CNTNAP2: variants seen among roughly 807,000 people sequenced by gnomAD.
CNTNAP2 encodes contactin-associated protein-like 2.
In CNTNAP2, 98 loss-of-function variants were observed where a neutral mutation model predicts 155.2. The ratio of observed to expected loss-of-function variants is 0.63; its 90% CI spans 0.54 to 0.75. The LOEUF (loss-of-function observed/expected upper bound fraction) is 0.75, where lower values mean the gene tolerates loss of function less well. CNTNAP2 is among the 30% of genes least tolerant of loss of function. The probability of loss-of-function intolerance (pLI) is 0.00; values close to 1 mark genes in which losing one functional copy is unlikely to be tolerated. For synonymous variants in CNTNAP2, 651 were observed against 631.2 expected (o/e 1.03, Z -0.47); for missense variants, 1,727 against 1,688.1 (o/e 1.02, Z -0.40).
In CNTNAP2 at chr7:147,434,885, A is replaced by G. The variant is rs1347979191; in HGVS notation, c.1670+39105A>G. 2.0e-5 allele frequency among the ~76,000 whole-genome samples: 3 copies of G among 152,252 alleles called. No homozygotes were observed. In the East Asian group the frequency reaches 5.8e-4, roughly 29 times the overall value. On this transcript the variant is annotated intron_variant, in intron 10 of 23. Coordinates refer to ENST00000361727, the MANE Select transcript of CNTNAP2 (RefSeq NM_014141.6). Reference sequence around the variant, plus strand: ...TTAGACTGTGGCAGTAACCTAAAAGACTTGGCCTCTGTTTCAACTCTCATG... The same window carrying G: ...TTAGACTGTGGCAGTAACCTAAAAGGCTTGGCCTCTGTTTCAACTCTCATG...
chr7:147,664,580 C>T (rs1388303402), intron 13 of CNTNAP2, among the ~76,000 whole-genome samples: 2 of 152,134 alleles, frequency 1.3e-5, no homozygotes, highest in African/African-American at 2.4e-5. Context: ...GCAGCCAAAA[C>T]GAAGCATTCG....
rs1235792127 is a variant in CNTNAP2 at position 146,131,807 on chromosome 7, G to A, written c.97+14834G>A. The stretch of plus-strand genomic sequence containing the variant: ...TCTTGAATTGTAATTTCCACGTGTC[G>A]AGGGAGGGAGGTAATTGGATTATGA... On this transcript the variant is annotated intron_variant, in intron 1 of 23. Coordinates refer to ENST00000361727, the MANE Select transcript of CNTNAP2 (RefSeq NM_014141.6). 3.9e-5 allele frequency among the ~76,000 whole-genome samples: 6 copies of A among 152,088 alleles called. No individual in the cohort carries two copies. In the East Asian group the frequency reaches 7.8e-4, roughly 20 times the overall value.
chr7:147,441,813 T>TTCTCTCTCTCTCTCTCTCTCTCTC lies in CNTNAP2; in HGVS notation c.1671-44107_1671-44084dup, dbSNP rs568227936. ...TTTCTTCCAACCAAATGTAGTCTCT[T>TTCTCTCTCTCTCTCTCTCTCTCTC]TCTCTCTCTCTCTCTCTCTCTCTCT... On this transcript the variant is annotated intron_variant, in intron 10 of 23. Transcript: ENST00000361727. Among the ~76,000 whole-genome samples, 9 of 102,168 alleles carry TTCTCTCTCTCTCTCTCTCTCTCTC rather than the reference T, an allele frequency of 8.8e-5. 1 individual carries two copies. Among genetic ancestry groups the TTCTCTCTCTCTCTCTCTCTCTCTC allele is most frequent in the Admixed American group, 2.5e-4 (2 of 7,920 alleles). 67.0% of individuals were successfully genotyped at this position (102,168 alleles called of 152,430 possible).
At chr7:146,428,138 A>G (rs1796119983) in intron 1 of CNTNAP2, among the ~76,000 whole-genome samples, 2 of 152,102 alleles carry the variant, frequency 1.3e-5, no homozygotes, top group Admixed American at 1.3e-4. Flanking sequence ...TATCTATTCT[A>G]TCTTTGATGG....
intron 1 of CNTNAP2, among the ~76,000 whole-genome samples, chr7:146,169,624 T>C (rs1798360258): frequency 6.6e-6 from 1 of 152,008 alleles, no homozygotes; most frequent in Non-Finnish European, 1.5e-5. Context: ...TTTCTCCATT[T>C]CCCATACCTC....
intron 21 of CNTNAP2, among the ~76,000 whole-genome samples, chr7:148,283,259 G>GAAAAGAAAAGA: frequency 2.6e-5 from 1 of 39,138 alleles, no homozygotes; most frequent in East Asian, 6.9e-4. Flanking sequence ...AAAAAAAAAA[G>GAAAAGAAAAGA]AAAGAAAGAA....
intron 8 of CNTNAP2, among the ~76,000 whole-genome samples, chr7:147,237,610 G>T (rs1052966377): frequency 2.6e-5 from 4 of 152,056 alleles, no homozygotes; most frequent in African/African-American, 9.7e-5. Context: ...TAAGGTCAGG[G>T]GTCATGTCTA....
intron 3 of CNTNAP2, among the ~76,000 whole-genome samples, chr7:147,032,171 T>A (rs1799047735): frequency 6.6e-6 from 1 of 152,246 alleles, no homozygotes; most frequent in Non-Finnish European, 1.5e-5. Context: ...AAAAATGACG[T>A]ATTGCTCCCT....
At chr7:146,982,960 G>T (rs376590887) in intron 3 of CNTNAP2, among the ~76,000 whole-genome samples, 1 of 150,710 alleles carries the variant, frequency 6.6e-6, no homozygotes, top group South Asian at 2.1e-4. Flanking sequence ...GGAAAAAAAA[G>T]TACAGATTTA....
At chr7:147,172,604 T>C (rs985402383) in intron 8 of CNTNAP2, among the ~76,000 whole-genome samples, 1 of 152,124 alleles carries the variant, frequency 6.6e-6, no homozygotes, top group East Asian at 1.9e-4. Context: ...TTGTAAGATA[T>C]GCCATTGTTC....
chr7:147,745,128 C>T (rs1797016733), intron 13 of CNTNAP2, among the ~76,000 whole-genome samples: 1 of 152,164 alleles, frequency 6.6e-6, no homozygotes, highest in Non-Finnish European at 1.5e-5. Context: ...TCTAATCTTC[C>T]TTCTGCAGTG....
At chr7:146,988,735 T>A (rs1237575221) in intron 3 of CNTNAP2, among the ~76,000 whole-genome samples, 1 of 152,202 alleles carries the variant, frequency 6.6e-6, no homozygotes. Flanking sequence ...GAGAACATTG[T>A]TTAAAAGAAA....
chr7:148,411,121 G>A (rs1448544531), intron 23 of CNTNAP2, among the ~76,000 whole-genome samples: 3 of 152,042 alleles, frequency 2.0e-5, no homozygotes, highest in African/African-American at 7.2e-5. Flanking sequence ...GACTCTCCTC[G>A]GATAGCCACT....
chr7:147,357,045 C>G (rs1246577109), intron 9 of CNTNAP2, among the ~76,000 whole-genome samples: 1 of 152,098 alleles, frequency 6.6e-6, no homozygotes, highest in Admixed American at 6.6e-5. Context: ...CTGATTGTAA[C>G]ATAGTCATCA....
intron 2 of CNTNAP2, among the ~76,000 whole-genome samples, chr7:146,781,234 A>AT (rs1563228356): frequency 2.7e-5 from 4 of 150,510 alleles, no homozygotes; most frequent in African/African-American, 9.9e-5. Flanking sequence ...TCTCAAAAAA[A>AT]AAAAAACAAA....
At chr7:148,246,919 T>C (rs188378879) in intron 20 of CNTNAP2, among the ~76,000 whole-genome samples, 24 of 152,314 alleles carry the variant, frequency 1.6e-4, no homozygotes, top group Admixed American at 9.8e-4. Context: ...ATCTTGAACA[T>C]AGTTATTTGT....
intron 13 of CNTNAP2, among the ~76,000 whole-genome samples, chr7:147,765,337 G>A (rs1797366681): frequency 6.6e-6 from 1 of 152,146 alleles, no homozygotes; most frequent in Middle Eastern, 3.2e-3. Context: ...AAGACATTCA[G>A]TAATCACATG....
rs1349436963 is a variant in CNTNAP2, at chr7:147,713,475, G to C, written c.2098+74169G>C. ...GTGATCATTCATGTTTTATGTATCA[G>C]TAGTACATTCCTTTGTATTTTGGGT... On this transcript the variant is annotated intron_variant, in intron 13 of 23. Coordinates refer to ENST00000361727, the MANE Select transcript of CNTNAP2 (RefSeq NM_014141.6). Among the ~76,000 whole-genome samples, 3 of 152,070 alleles carry C rather than the reference G, an allele frequency of 2.0e-5. No individual in the cohort carries two copies. The East Asian group carries it at 5.8e-4, about 29-fold the overall frequency.
At chr7:148,144,691 T>G (rs928686925) in intron 16 of CNTNAP2, among the ~76,000 whole-genome samples, 1 of 152,228 alleles carries the variant, frequency 6.6e-6, no homozygotes, top group Non-Finnish European at 1.5e-5. Context: ...CCAGGCTATA[T>G]GCATCCAATT....
Sources: gnomAD v4.1 joint callset for allele counts (sites outside exome capture counted in the v4.1 genomes callset) on GRCh38, gnomAD v4.1.1 for gene constraint, MANE v1.5 for transcripts, NCBI Gene and HGNC (gene_info 2026-07-23, HGNC 2026-07-21) for gene names.